RCHY1: variants seen among roughly 807,000 people sequenced by gnomAD.
The protein encoded by RCHY1 is ring finger and CHY zinc finger domain containing 1.
A neutral mutation model predicts 41.6 loss-of-function variants in RCHY1; 21 were observed. That is an observed-to-expected ratio of 0.51 (90% CI 0.36 to 0.73). RCHY1 has a LOEUF of 0.73. RCHY1 is among the 30% of genes least tolerant of loss of function. The pLI, the probability that RCHY1 is intolerant of heterozygous loss-of-function variation, is 0.00. For synonymous variants in RCHY1, 79 were observed against 102.9 expected, an observed-to-expected ratio of 0.77 and a Z score of 1.41; for missense variants, 265 against 325.3, an observed-to-expected ratio of 0.81 and a Z score of 1.43.
chr4:75,496,921 G>A (rs182193553), intron 3 of RCHY1, among the ~76,000 whole-genome samples: 64 of 152,154 alleles, frequency 4.2e-4, no homozygotes, highest in African/African-American at 1.5e-3. Flanking sequence ...AGACACAGAT[G>A]TTAGAATTAA....
intron 3 of RCHY1, among the ~76,000 whole-genome samples, chr4:75,499,457 G>A (rs193102943): frequency 3.9e-5 from 6 of 152,110 alleles, no homozygotes; most frequent in African/African-American, 1.4e-4. Context: ...TACCTCAAAG[G>A]GTATCTGCAC....
Position 75,480,115 on chromosome 4 carries a change from T to G in RCHY1, c.*2423A>C, listed in dbSNP as rs1721406190. On this transcript the variant is annotated 3_prime_UTR_variant, in exon 9 of 9. Transcript: ENST00000324439. ...TTTTAATCATCGAGTTGACGTGTCA[T>G]GAACAAATACTTGAAGCAACCCTGG... The G allele has an allele frequency of 6.6e-6, 1 of 152,180 alleles. No homozygotes were observed. Among genetic ancestry groups the G allele is most frequent in the Non-Finnish European group, 1.5e-5 (1 of 68,024 alleles). 9.4% of individuals were successfully genotyped at this position (152,180 alleles called of 1,614,324 possible).
intron 1 of RCHY1, among the ~76,000 whole-genome samples, chr4:75,513,574 T>C (rs2148790139): frequency 6.6e-6 from 1 of 152,112 alleles, no homozygotes; most frequent in Admixed American, 6.5e-5. Context: ...GCAAGGAAAA[T>C]CAGGAAACTT....
Position 75,487,759 on chromosome 4 carries a change from T to TATATATTCATATATATATTCATA in RCHY1, c.657+2821_657+2822insTATGAATATATATATGAATATAT, listed in dbSNP as rs1560513375. On this transcript the variant is annotated intron_variant, in intron 8 of 8. Transcript: ENST00000324439. ...TATATATTCATATATATATTCATAA[T>TATATATTCATATATATATTCATA]ATATATATTCATATATATATTCATA... is the stretch of plus-strand genomic sequence containing the variant. Among the ~76,000 whole-genome samples the TATATATTCATATATATATTCATA allele has an allele frequency of 2.5e-3, 62 of 24,892 alleles. 23 individuals are homozygous for TATATATTCATATATATATTCATA. Among genetic ancestry groups the TATATATTCATATATATATTCATA allele is most frequent in the Non-Finnish European group, 3.5e-3 (50 of 14,238 alleles). 16.3% of individuals were successfully genotyped at this position (24,892 alleles called of 152,430 possible).
Position 75,481,116 on chromosome 4 carries a change from AG to A in RCHY1, c.*1421del, listed in dbSNP as rs1721492014. 6.6e-6 allele frequency: 1 copy of A among 152,326 alleles called. No individual in the cohort carries two copies. The highest frequency in any genetic ancestry group is 1.5e-5 in the Non-Finnish European group (1 of 68,094). The allele number at this position is 152,326 out of a possible 1,614,324, so 9.4% of individuals were successfully genotyped here. The stretch of plus-strand genomic sequence containing the variant: ...CTGGCCAGGCCAAGGAAACAGATGA[AG>A]GGAAAGAACATAAGAAGAGTGGAAT... On this transcript the variant is annotated 3_prime_UTR_variant, in exon 9 of 9. Coordinates refer to ENST00000324439, the MANE Select transcript of RCHY1 (RefSeq NM_015436.4).
At chr4:75,500,072 T>C (rs1477331281) in intron 3 of RCHY1, among the ~76,000 whole-genome samples, 3 of 151,994 alleles carry the variant, frequency 2.0e-5, no homozygotes, top group Non-Finnish European at 4.4e-5. Flanking sequence ...ACCTGGGAGG[T>C]CAAGGCTGCA....
At chr4:75,486,525 A>C (rs1426203857) in intron 8 of RCHY1, among the ~76,000 whole-genome samples, 1 of 152,086 alleles carries the variant, frequency 6.6e-6, no homozygotes, top group Admixed American at 6.6e-5. Context: ...TCCATCTATA[A>C]ATACTGATAC....
chr4:75,488,468 C>T (rs988507768), intron 8 of RCHY1, among the ~76,000 whole-genome samples: 2 of 152,128 alleles, frequency 1.3e-5, no homozygotes, highest in African/African-American at 4.8e-5. Context: ...GACTGGATAA[C>T]AATTCCTAGA....
intron 7 of RCHY1, 197 bp from the exon 8 acceptor site, chr4:75,490,898 C>G (rs1166122393): frequency 2.3e-6 from 1 of 435,064 alleles, no homozygotes; most frequent in Non-Finnish European, 4.1e-6. Context: ...TTATTTAAAA[C>G]TAAGTCTTTT....
At chr4:75,504,418 T>G (rs1335407899) in intron 3 of RCHY1, among the ~76,000 whole-genome samples, 1 of 152,216 alleles carries the variant, frequency 6.6e-6, no homozygotes, top group African/African-American at 2.4e-5. Context: ...AAGACCTTTA[T>G]GATGATCCAT....
chr4:75,514,107 A>G (rs761320512), intron 1 of RCHY1, 90 bp downstream of exon 1: 8 of 1,534,776 alleles, frequency 5.2e-6, no homozygotes, highest in African/African-American at 1.4e-5. Context: ...GGTTAACCTC[A>G]AACTTAAATC....
chr4:75,493,549 C>T (rs1722931181), intron 4 of RCHY1, among the ~76,000 whole-genome samples: 1 of 151,808 alleles, frequency 6.6e-6, no homozygotes, highest in Non-Finnish European at 1.5e-5. Context: ...GTACGATTTA[C>T]ACTTCACTTT....
At chr4:75,484,734 T>C (rs1335425534) in intron 8 of RCHY1, among the ~76,000 whole-genome samples, 1 of 152,140 alleles carries the variant, frequency 6.6e-6, no homozygotes, top group Non-Finnish European at 1.5e-5. Context: ...TATAGAAGGA[T>C]AAAATGCCAT....
At chr4:75,500,956 C>A (rs1260830493) in intron 3 of RCHY1, among the ~76,000 whole-genome samples, 3 of 152,054 alleles carry the variant, frequency 2.0e-5, no homozygotes. Flanking sequence ...GTTTTCAACT[C>A]TAACCAGTTT....
chr4:75,493,961 T>TTAATACTGC, intron 4 of RCHY1, 140 bp downstream of exon 4: 1 of 574,852 alleles, frequency 1.7e-6, no homozygotes. Flanking sequence ...TATCTACTTG[T>TTAATACTGC]TAATACTGCT....
chr4:75,494,846 G>A (rs1053369921), intron 3 of RCHY1, among the ~76,000 whole-genome samples: 1 of 151,786 alleles, frequency 6.6e-6, no homozygotes, highest in African/African-American at 2.4e-5. Flanking sequence ...CACACTTTGG[G>A]TAACATGGTT....
intron 1 of RCHY1, among the ~76,000 whole-genome samples, chr4:75,512,800 C>A (rs958932307): frequency 6.6e-6 from 1 of 150,450 alleles, no homozygotes; most frequent in Non-Finnish European, 1.5e-5. Context: ...CTCTTCCTTG[C>A]CAAATCCAAA....
chr4:75,502,269 G>A (rs550979863), intron 3 of RCHY1, among the ~76,000 whole-genome samples: 166 of 152,066 alleles, frequency 1.1e-3, no homozygotes, highest in African/African-American at 3.8e-3. Context: ...GGCCAGCTGC[G>A]GTGGCTCACA....
intron 4 of RCHY1, 110 bp downstream of exon 4, chr4:75,493,991 T>G (rs1305959576): frequency 7.7e-6 from 5 of 647,534 alleles, no homozygotes; most frequent in Non-Finnish European, 1.3e-5. Flanking sequence ...AGCAATATAG[T>G]TGCACTTGGA....
Sources: allele counts gnomAD v4.1 joint callset (sites outside exome capture counted in the v4.1 genomes callset), GRCh38; gene constraint gnomAD v4.1.1; transcripts MANE v1.5; gene names NCBI Gene and HGNC (gene_info 2026-07-23, HGNC 2026-07-21).